RUFY4: variants seen among roughly 807,000 people sequenced by gnomAD.
RUFY4 encodes RUN and FYVE domain containing 4.
Under a neutral mutation model 69.0 loss-of-function variants are expected in RUFY4, and 73 were observed. That is an observed-to-expected ratio of 1.06 (90% CI 0.88 to 1.29). RUFY4 has a LOEUF of 1.29. Among genes scored for constraint, RUFY4 ranks in the 50% most tolerant of loss-of-function variants. The pLI is 0.00. For missense variants in RUFY4, 770 were observed against 705.6 expected, an observed-to-expected ratio of 1.09 and a Z score of -1.03; for synonymous variants, 287 against 271.8, an observed-to-expected ratio of 1.06 and a Z score of -0.55.
chr2:218,072,968 C>A, intron 4 of RUFY4, 83 bp downstream of exon 6: 1 of 1,149,344 alleles, frequency 8.7e-7, no homozygotes, highest in Non-Finnish European at 1.2e-6. Flanking sequence ...TTAACCCCCA[C>A]AGATGGCTTT....
chr2:218,085,368 GA>G (rs938375463), intron 9 of RUFY4, among the ~76,000 whole-genome samples: 14 of 150,850 alleles, frequency 9.3e-5, no homozygotes, highest in African/African-American at 2.2e-4. Context: ...AAAGAAAAAG[GA>G]AAAAAAAATA....
chr2:218,088,589 G>A (rs114131694), intron 9 of RUFY4, among the ~76,000 whole-genome samples: 98 of 152,314 alleles, frequency 6.4e-4, no homozygotes, highest in African/African-American at 2.3e-3. Context: ...TGCTGTAAGT[G>A]TCTGGAGCAA....
At chr2:218,072,455 C>G in exon 3 of RUFY4, 1 of 1,537,348 alleles carries the variant, frequency 6.5e-7, no homozygotes, top group Non-Finnish European at 8.7e-7. Context: ...ACGACGGCAG[C>G]GGGGAAACAT....
At position 218,078,004 on chromosome 2, in the gene RUFY4, G is replaced by A. The variant is rs868503450; in HGVS notation, c.1355+1471G>A. ...CTGTCTCACAGACCACAGTGCTCCGGCCACCTGTCACTCATCATTCAGTCA... is the reference window on the plus strand; with the variant it reads ...CTGTCTCACAGACCACAGTGCTCCGACCACCTGTCACTCATCATTCAGTCA... On this transcript the variant is annotated intron_variant, in intron 8 of 10. Coordinates refer to ENST00000344321, the Ensembl canonical transcript of RUFY4. Among the ~76,000 whole-genome samples the A allele has an allele frequency of 6.6e-5, 10 of 152,228 alleles. No individual in the cohort carries two copies. The South Asian group carries it at 1.0e-3, about 16-fold the overall frequency.
chr2:218,064,464 A>G (rs1307888867), upstream of RUFY4, among the ~76,000 whole-genome samples: 1 of 152,004 alleles, frequency 6.6e-6, no homozygotes, highest in Non-Finnish European at 1.5e-5. Context: ...CCACCTCTCC[A>G]TCTCAATCCA....
intron 2 of RUFY4, among the ~76,000 whole-genome samples, chr2:218,057,562 C>T (rs1335436832): frequency 6.6e-6 from 1 of 152,126 alleles, no homozygotes; most frequent in Non-Finnish European, 1.5e-5. Context: ...AATTTACCAA[C>T]TATAAGACCT....
At chr2:218,055,349 C>T (rs1481539685) in intron 2 of RUFY4, among the ~76,000 whole-genome samples, 2 of 151,306 alleles carry the variant, frequency 1.3e-5, no homozygotes, top group Admixed American at 6.6e-5. Flanking sequence ...GAGCCAAGAT[C>T]GTGCCACTGC....
intron 2 of RUFY4, among the ~76,000 whole-genome samples, chr2:218,042,217 AAAGTTTCCAG>A (rs1351343052): frequency 6.6e-6 from 1 of 152,236 alleles, no homozygotes; most frequent in Non-Finnish European, 1.5e-5. Flanking sequence ...TCCCTGGAGC[AAAGTTTCCAG>A]AATTTCATCA....
At chr2:218,047,725 T>C (rs542773246) in intron 2 of RUFY4, among the ~76,000 whole-genome samples, 1 of 152,196 alleles carries the variant, frequency 6.6e-6, no homozygotes, top group Non-Finnish European at 1.5e-5. Context: ...GCACAGGATA[T>C]GCTTACCAGT....
At chr2:218,073,977 G>C in intron 6 of RUFY4, 92 bp downstream of exon 8, 1 of 1,267,588 alleles carries the variant, frequency 7.9e-7, no homozygotes, top group Middle Eastern at 1.8e-4. Context: ...CCCTCCGAGT[G>C]TACAGAGAGC....
At chr2:218,051,655 G>C (rs967130304) in intron 2 of RUFY4, among the ~76,000 whole-genome samples, 2 of 151,800 alleles carry the variant, frequency 1.3e-5, no homozygotes, top group Non-Finnish European at 2.9e-5. Context: ...AAGTTGGGGA[G>C]GGTTTATGAA....
intron 4 of RUFY4, 93 bp from the exon 7 acceptor site, chr2:218,073,150 C>A (rs1311187670): frequency 5.1e-6 from 7 of 1,371,540 alleles, no homozygotes; most frequent in Non-Finnish European, 6.7e-6. Context: ...GTGGAGGCTG[C>A]TTTGTTGAGG....
intron 2 of RUFY4, among the ~76,000 whole-genome samples, chr2:218,048,220 T>C (rs1049062852): frequency 2.6e-5 from 4 of 152,250 alleles, no homozygotes; most frequent in Non-Finnish European, 5.9e-5. Context: ...TTTTACACGA[T>C]TGCTGACCAC....
At chr2:218,082,464 G>T (rs376202691) in intron 8 of RUFY4, among the ~76,000 whole-genome samples, 4 of 152,142 alleles carry the variant, frequency 2.6e-5, no homozygotes, top group Admixed American at 6.5e-5. Context: ...AAACAAAGCC[G>T]GGAGGAGGAA....
intron 9 of RUFY4, among the ~76,000 whole-genome samples, chr2:218,086,350 T>C (rs961818102): frequency 6.6e-6 from 1 of 152,138 alleles, no homozygotes; most frequent in African/African-American, 2.4e-5. Context: ...AAGATTTCAC[T>C]GAGCAAAGGA....
Position 218,076,469 on chromosome 2 carries a change from C to G in RUFY4, c.1291C>G (p.Arg431Gly), listed in dbSNP as rs372080416. The change falls in exon 8 of 11, where the codon CGC becomes GGC. Residue 431 changes from arginine (R) to glycine (G), a missense_variant. Arg to Gly is a moderately radical substitution (Grantham distance 125). Transcript: ENST00000344321. ...CCGGAAGGCTGAGGAGCAGGCCCAG[C>G]GCCAGGAGCAGCTGCTGAGGGAGCA... is the stretch of plus-strand genomic sequence containing the variant. 15 of 1,550,084 alleles carry G rather than the reference C, an allele frequency of 9.7e-6. No individual in the cohort carries two copies. The East Asian group carries it at 3.7e-4, about 38-fold the overall frequency.
chr2:218,046,859 C>T (rs1688840892), intron 2 of RUFY4, among the ~76,000 whole-genome samples: 1 of 152,010 alleles, frequency 6.6e-6, no homozygotes, highest in Admixed American at 6.5e-5. Context: ...TTCAGGGACC[C>T]TTCTGGAAAC....
exon 7 of RUFY4, chr2:218,075,476 A>G (rs946539116): frequency 4.4e-6 from 7 of 1,599,252 alleles, no homozygotes; most frequent in Non-Finnish European, 5.1e-6. Context: ...GTCAGAGAAC[A>G]ACAGAGGGGA....
At chr2:218,063,725 T>G (rs1160393998) in intron 3 of RUFY4, among the ~76,000 whole-genome samples, 1 of 151,868 alleles carries the variant, frequency 6.6e-6, no homozygotes, top group Non-Finnish European at 1.5e-5. Context: ...AGGGGCACAG[T>G]GTGAGGGCAG....
Sources: gnomAD v4.1 joint callset for allele counts (sites outside exome capture counted in the v4.1 genomes callset) on GRCh38, gnomAD v4.1.1 for gene constraint, MANE v1.5 for transcripts, NCBI Gene and HGNC (gene_info 2026-07-23, HGNC 2026-07-21) for gene names.